UPK1B: variants seen among roughly 807,000 people sequenced by gnomAD.
UPK1B encodes the protein uroplakin 1B.
UPK1B carries 28 observed loss-of-function variants against 34.2 expected under a neutral mutation model. That is an observed-to-expected ratio of 0.82 (90% confidence interval 0.61 to 1.12). The LOEUF (loss-of-function observed/expected upper bound fraction) is 1.12, where lower values mean the gene tolerates loss of function less well. Among genes scored for constraint, UPK1B ranks in the 50% most tolerant of loss-of-function variants. The pLI is 0.00. For synonymous variants in UPK1B, 81 were observed against 110.4 expected, an observed-to-expected ratio of 0.73 and a Z score of 1.67; for missense variants, 325 against 320.9, an observed-to-expected ratio of 1.01 and a Z score of -0.10.
intron 6 of UPK1B, among the ~76,000 whole-genome samples, chr3:119,197,029 A>G (rs1294494300): frequency 6.6e-6 from 1 of 152,110 alleles, no homozygotes; most frequent in Admixed American, 6.5e-5. Flanking sequence ...TGTAGAGATG[A>G]GGTCTCACTG....
At chr3:119,199,012 T>C (rs763328970) in intron 6 of UPK1B, 45 bp from the exon 7 acceptor site, 2 of 1,607,300 alleles carry the variant, frequency 1.2e-6, no homozygotes, top group Non-Finnish European at 1.7e-6. Context: ...TCTTCTCTGC[T>C]TTCTGGTTCT....
intron 1 of UPK1B, among the ~76,000 whole-genome samples, chr3:119,184,507 C>A (rs2078007587): frequency 6.7e-6 from 1 of 148,428 alleles, no homozygotes; most frequent in Non-Finnish European, 1.5e-5. Flanking sequence ...ATCACAAGGT[C>A]AGGAGTTCGA....
intron 5 of UPK1B, among the ~76,000 whole-genome samples, chr3:119,193,912 A>G (rs532227947): frequency 2.0e-5 from 3 of 152,324 alleles, no homozygotes; most frequent in Admixed American, 6.5e-5. Flanking sequence ...AAAAAACTCT[A>G]TGAGATAGGT....
intron 7 of UPK1B, among the ~76,000 whole-genome samples, chr3:119,202,275 G>C (rs2078094912): frequency 6.6e-6 from 1 of 152,160 alleles, no homozygotes; most frequent in Non-Finnish European, 1.5e-5. Flanking sequence ...ACTGTTGCTT[G>C]CAAGGGGCTT....
chr3:119,187,626 A>T lies in UPK1B; in HGVS notation c.70-149A>T. 11 of 754,376 alleles carry T rather than the reference A, an allele frequency of 1.5e-5. No homozygotes were observed. In the South Asian group the frequency reaches 1.8e-4, roughly 12 times the overall value. 46.7% of individuals were successfully genotyped at this position (754,376 alleles called of 1,614,324 possible). A position where few individuals can be genotyped will look rare whatever the true frequency, so the allele number is the denominator to read the frequency against. ...TGCAACCAGTTAGTAGGATGGAAGT[A>T]GTTGTTTGATTTCCTGGCAATGGGG... On this transcript the variant is annotated intron_variant, in intron 2 of 7. Transcript: ENST00000264234.
chr3:119,180,733 T>TA lies in UPK1B; in HGVS notation c.-28-5973dup, dbSNP rs201230599. Among the ~76,000 whole-genome samples the TA allele has an allele frequency of 6.0e-3, 913 of 151,634 alleles. 7 individuals carry two copies. Among genetic ancestry groups the TA allele is most frequent in the African/African-American group, 0.021 (887 of 41,342 alleles). Reference sequence around the variant, plus strand: ...GTGTCAAAGCTTTTCTTTTTTAACCTAAAAAAAAGTGCATTACTCTACCCC... The same window carrying TA: ...GTGTCAAAGCTTTTCTTTTTTAACCTAAAAAAAAAGTGCATTACTCTACCCC... On this transcript the variant is annotated intron_variant, in intron 1 of 7. Transcript: ENST00000264234.
intron 1 of UPK1B, among the ~76,000 whole-genome samples, chr3:119,185,619 A>G (rs1348658473): frequency 6.6e-6 from 1 of 152,200 alleles, no homozygotes; most frequent in Non-Finnish European, 1.5e-5. Flanking sequence ...AATGCATCTT[A>G]GTTTCCCTAC....
At chr3:119,182,402 C>T (rs2077993666) in intron 1 of UPK1B, among the ~76,000 whole-genome samples, 1 of 152,180 alleles carries the variant, frequency 6.6e-6, no homozygotes, top group Non-Finnish European at 1.5e-5. Context: ...CCCTGCCCTT[C>T]CTAAATATCC....
intron 2 of UPK1B, 25 bp from the exon 3 acceptor site, chr3:119,187,750 G>A (rs776866973): frequency 6.2e-7 from 1 of 1,612,306 alleles, no homozygotes; most frequent in Non-Finnish European, 8.5e-7. Flanking sequence ...ACTCCTGATG[G>A]AGCCCACCTT....
intron 1 of UPK1B, among the ~76,000 whole-genome samples, chr3:119,178,068 GAC>G (rs2077965733): frequency 7.2e-6 from 1 of 139,330 alleles, no homozygotes; most frequent in African/African-American, 2.6e-5. Flanking sequence ...ATGGTGGCAT[GAC>G]CAGGACACCA....
chr3:119,194,138 C>A, intron 5 of UPK1B, 81 bp from the exon 6 acceptor site: 1 of 1,343,142 alleles, frequency 7.4e-7, no homozygotes, highest in South Asian at 1.6e-5. Flanking sequence ...TATCTTCTTT[C>A]TCTATAAAAT....
At chr3:119,184,392 A>AT (rs2078006256) in intron 1 of UPK1B, among the ~76,000 whole-genome samples, 1 of 151,778 alleles carries the variant, frequency 6.6e-6, no homozygotes, top group Non-Finnish European at 1.5e-5. Flanking sequence ...GTGCACGGTC[A>AT]TTTTTCCTTT....
In UPK1B at chr3:119,180,955, T is replaced by C. The variant is rs192935929; in HGVS notation, c.-28-5759T>C. 2.6e-5 allele frequency among the ~76,000 whole-genome samples: 4 copies of C among 152,298 alleles called. 1 individual carries two copies. Among genetic ancestry groups the C allele is most frequent in the East Asian group, 3.9e-4 (2 of 5,188 alleles). On this transcript the variant is annotated intron_variant, in intron 1 of 7. Transcript: ENST00000264234. ...CCAGGACTTTTCTAGACATCTTCCATTGAATGAGGGGCAGGGGGAAGTCTT... is the reference window on the plus strand; with the variant it reads ...CCAGGACTTTTCTAGACATCTTCCACTGAATGAGGGGCAGGGGGAAGTCTT...
chr3:119,176,810 G>A (rs1287465741), intron 1 of UPK1B, among the ~76,000 whole-genome samples: 1 of 152,144 alleles, frequency 6.6e-6, no homozygotes, highest in Non-Finnish European at 1.5e-5. Flanking sequence ...AATAACGTGG[G>A]GAGGGTTCAG....
At chr3:119,199,023 T>C in intron 6 of UPK1B, 34 bp from the exon 7 acceptor site, 8 of 1,611,870 alleles carry the variant, frequency 5.0e-6, no homozygotes, top group Non-Finnish European at 6.8e-6. Context: ...TTCTGGTTCT[T>C]CTCACACTAA....
At chr3:119,198,975 C>T in intron 6 of UPK1B, 82 bp from the exon 7 acceptor site, 10 of 1,497,830 alleles carry the variant, frequency 6.7e-6, no homozygotes, top group Non-Finnish European at 9.2e-6. Flanking sequence ...GCATTGATTC[C>T]AATAGGAACC....
chr3:119,204,253 A>AT lies in UPK1B; in HGVS notation c.*286_*287insT. 2 of 393,168 alleles carry AT rather than the reference A, an allele frequency of 5.1e-6. No individual in the cohort carries two copies. The highest frequency in any genetic ancestry group is 8.4e-5 in the East Asian group (2 of 23,734). 24.4% of individuals were successfully genotyped at this position (393,168 alleles called of 1,614,324 possible). ...CATCCCTGCTTATTTTTAATTTGGG[A>AT]AAATAAATACATTCGAAGGAACCTG... is the stretch of plus-strand genomic sequence containing the variant. On this transcript the variant is annotated 3_prime_UTR_variant, in exon 8 of 8. Coordinates refer to ENST00000264234, the MANE Select transcript of UPK1B (RefSeq NM_006952.4).
chr3:119,202,138 T>C (rs1255918750), intron 7 of UPK1B, among the ~76,000 whole-genome samples: 1 of 152,226 alleles, frequency 6.6e-6, no homozygotes, highest in Non-Finnish European at 1.5e-5. Context: ...TGTCAAATAT[T>C]TTTAATATTA....
chr3:119,179,527 T>TTTTTTTTTTTTTTG (rs1553741698), intron 1 of UPK1B, among the ~76,000 whole-genome samples: 1 of 131,592 alleles, frequency 7.6e-6, no homozygotes, highest in African/African-American at 2.8e-5. Context: ...TTTTTTTTTT[T>TTTTTTTTTTTTTTG]GAGACGGAGT....
Sources: allele counts gnomAD v4.1 joint callset (sites outside exome capture counted in the v4.1 genomes callset), GRCh38; gene constraint gnomAD v4.1.1; transcripts MANE v1.5; gene names NCBI Gene and HGNC (gene_info 2026-07-23, HGNC 2026-07-21).